The following HLA-DRB5 variants were observed in gnomAD, a reference collection of about 807,000 sequenced individuals.
The protein encoded by HLA-DRB5 is DR beta-5.
A neutral mutation model predicts 22.4 loss-of-function variants in HLA-DRB5; 11 were observed. That is an observed-to-expected ratio of 0.49 (90% CI 0.31 to 0.81). The LOEUF is 0.81. HLA-DRB5 is among the 40% of genes least tolerant of loss of function. The probability of loss-of-function intolerance (pLI) is 0.05; values close to 1 mark genes in which losing one functional copy is unlikely to be tolerated. For missense variants in HLA-DRB5, 106 were observed against 274.4 expected (o/e 0.39, Z 4.34); for synonymous variants, 57 against 106.0 (o/e 0.54, Z 2.84).
chr6:32,519,807 T>C (rs181684105), intron 2 of HLA-DRB5, among the ~76,000 whole-genome samples, 156 bp from the exon 3 acceptor site: 158 of 83,784 alleles, frequency 1.9e-3, no homozygotes, highest in East Asian at 7.0e-3. Context: ...CAGCCTGGAA[T>C]TTAGTCTTTA....
At chr6:32,520,369 G>C (rs113183253) in intron 2 of HLA-DRB5, among the ~76,000 whole-genome samples, 2,575 of 57,100 alleles carry the variant, frequency 0.045, 107 homozygotes, top group Middle Eastern at 0.098. Flanking sequence ...AGAAATGGTT[G>C]TGCCCCTGGG....
Position 32,521,475 on chromosome 6 carries a change from T to C in HLA-DRB5, c.370+430A>G, listed in dbSNP as rs1457473066. The stretch of plus-strand genomic sequence containing the variant: ...GTCTGGAACTGGCCTCCTCATATTA[T>C]CACAAATCTTCCACACCCCTCAGCT... On this transcript the variant is annotated intron_variant, in intron 2 of 5. Transcript: ENST00000374975. Among the ~76,000 whole-genome samples the C allele has an allele frequency of 4.1e-5, 5 of 123,432 alleles. 1 individual carries two copies. Among genetic ancestry groups the C allele is most frequent in the Non-Finnish European group, 8.7e-5 (5 of 57,626 alleles). 81.0% of individuals were successfully genotyped at this position (123,432 alleles called of 152,430 possible). A position where few individuals can be genotyped will look rare whatever the true frequency, so the allele number is the denominator to read the frequency against.
chr6:32,528,514 T>C lies in HLA-DRB5; in HGVS notation c.100+1611A>G. ...GAAGGGGCTCGAGCTCCAGCACTCT[T>C]TCAATTTGATGTCACACTAGAATCC... On this transcript the variant is annotated intron_variant, in intron 1 of 5. Coordinates refer to ENST00000374975, the MANE Select transcript of HLA-DRB5 (RefSeq NM_002125.4). Among the ~76,000 whole-genome samples the C allele has an allele frequency of 4.6e-5, 2 of 43,316 alleles. 1 individual carries two copies. The highest frequency in any genetic ancestry group is 9.5e-5 in the Non-Finnish European group (2 of 20,956). 28.4% of individuals were successfully genotyped at this position (43,316 alleles called of 152,430 possible).
At position 32,519,664 on chromosome 6, in the gene HLA-DRB5, A is replaced by AAC. The variant is rs1554264570; in HGVS notation, c.371-14_371-13insGT. 1,129 of 599,020 alleles carry AAC rather than the reference A, an allele frequency of 1.9e-3. 190 individuals carry two copies. The highest frequency in any genetic ancestry group is 8.7e-3 in the Middle Eastern group (18 of 2,080). 37.1% of individuals were successfully genotyped at this position (599,020 alleles called of 1,614,324 possible). ...ACCTTAGGCTCAACTAGGAGAAAGG[A>AAC]AATGTAGAGGGAATGACTCAGGAAG... On this transcript the variant is annotated splice_polypyrimidine_tract_variant and intron_variant, in intron 2 of 5. Transcript: ENST00000374975.
chr6:32,524,803 T>G (rs797009437), intron 1 of HLA-DRB5, among the ~76,000 whole-genome samples: 3,487 of 78,938 alleles, frequency 0.044, 45 homozygotes, highest in Middle Eastern at 0.069. Context: ...CCACTTAGGG[T>G]TGACAGATTT....
intron 1 of HLA-DRB5, among the ~76,000 whole-genome samples, chr6:32,524,513 C>T (rs1581601162): frequency 1.1e-5 from 1 of 92,116 alleles, no homozygotes; most frequent in Non-Finnish European, 2.3e-5. Context: ...AGTCAAGTCC[C>T]CTCAGAAAGT....
intron 2 of HLA-DRB5, 94 bp downstream of exon 2, chr6:32,521,811 T>TCTCTCA (rs879229020): frequency 0.013 from 3,318 of 249,082 alleles, 66 homozygotes; most frequent in Non-Finnish European, 0.016. Flanking sequence ...CCTCTCTCTC[T>TCTCTCA]CACACACACA....
Position 32,527,867 on chromosome 6 carries a change from G to A in HLA-DRB5, c.100+2258C>T, listed in dbSNP as rs1321486299. Among the ~76,000 whole-genome samples the A allele has an allele frequency of 1.5e-4, 6 of 39,262 alleles. 3 individuals are homozygous for A. The Admixed American group carries it at 2.0e-3, about 13-fold the overall frequency. The allele number at this position is 39,262 out of a possible 152,430, so 25.8% of individuals were successfully genotyped here. A position where few individuals can be genotyped will look rare whatever the true frequency, so the allele number is the denominator to read the frequency against. ...GCACTCCAGCCTGGGCAACAAGAAT[G>A]AAACTCCCTCTCAAAAATAAATAAG... On this transcript the variant is annotated intron_variant, in intron 1 of 5. Coordinates refer to ENST00000374975, the MANE Select transcript of HLA-DRB5 (RefSeq NM_002125.4).
chr6:32,520,919 A>G (rs1488336351), intron 2 of HLA-DRB5, among the ~76,000 whole-genome samples: 2 of 79,230 alleles, frequency 2.5e-5, no homozygotes, highest in Non-Finnish European at 4.9e-5. Flanking sequence ...TCACTGAGAA[A>G]AATACTAAGC....
At chr6:32,527,967 C>T (rs190768319) in intron 1 of HLA-DRB5, among the ~76,000 whole-genome samples, 45 of 34,750 alleles carry the variant, frequency 1.3e-3, no homozygotes, top group East Asian at 4.0e-3. Flanking sequence ...ATATGAGGCT[C>T]CCGACTTCCT....
intron 1 of HLA-DRB5, among the ~76,000 whole-genome samples, chr6:32,529,647 G>A (rs1456382725): frequency 3.2e-3 from 319 of 100,836 alleles, no homozygotes; most frequent in Middle Eastern, 6.6e-3. Context: ...GAGGCCACTG[G>A]GTCCATTCTC....
At chr6:32,529,096 G>A (rs796805939) in intron 1 of HLA-DRB5, among the ~76,000 whole-genome samples, 602 of 146,884 alleles carry the variant, frequency 4.1e-3, no homozygotes, top group South Asian at 0.015. Context: ...AAGGAAAGCT[G>A]AGGGCATGAC....
chr6:32,524,350 C>G (rs368207307), intron 1 of HLA-DRB5, among the ~76,000 whole-genome samples: 1,193 of 113,666 alleles, frequency 0.01, 2 homozygotes, highest in East Asian at 0.043. Context: ...TGCCACTTGT[C>G]CACTAATTAT....
intron 4 of HLA-DRB5, among the ~76,000 whole-genome samples, 154 bp downstream of exon 4, chr6:32,518,402 T>C (rs145238941): frequency 0.31 from 16,393 of 52,454 alleles, 7,310 homozygotes; most frequent in Middle Eastern, 0.41. Context: ...TAACCATGCA[T>C]TAATGATTTC....
chr6:32,527,940 A>G lies in HLA-DRB5; in HGVS notation c.100+2185T>C, dbSNP rs1270992591. Among the ~76,000 whole-genome samples the G allele has an allele frequency of 5.2e-5, 2 of 38,586 alleles. 1 individual carries two copies. Among genetic ancestry groups the G allele is most frequent in the African/African-American group, 1.9e-4 (2 of 10,420 alleles). 25.3% of individuals were successfully genotyped at this position (38,586 alleles called of 152,430 possible). A position where few individuals can be genotyped will look rare whatever the true frequency, so the allele number is the denominator to read the frequency against. ...TAAAATAAAATTCAAGTTTCTTACC[A>G]TGGACATCAGAGCCTGATATGAGGC... On this transcript the variant is annotated intron_variant, in intron 1 of 5. Coordinates refer to ENST00000374975, the MANE Select transcript of HLA-DRB5 (RefSeq NM_002125.4).
At position 32,522,515 on chromosome 6, in the gene HLA-DRB5, G is replaced by C. The variant is rs185320691; in HGVS notation, c.101-341C>G. On this transcript the variant is annotated intron_variant, in intron 1 of 5. Coordinates refer to ENST00000374975, the MANE Select transcript of HLA-DRB5 (RefSeq NM_002125.4). Reference sequence around the variant, plus strand: ...TCCTCCTGGGAGCCTGCACCCCAAAGACAATCTCTGCTCCTTCTCTCATCC... The same window carrying C: ...TCCTCCTGGGAGCCTGCACCCCAAACACAATCTCTGCTCCTTCTCTCATCC... Among the ~76,000 whole-genome samples the C allele has an allele frequency of 1.3e-3, 47 of 35,684 alleles. 2 individuals are homozygous for C. The highest frequency in any genetic ancestry group is 0.012 in the East Asian group (14 of 1,164). 23.4% of individuals were successfully genotyped at this position (35,684 alleles called of 152,430 possible). A position where few individuals can be genotyped will look rare whatever the true frequency, so the allele number is the denominator to read the frequency against.
chr6:32,526,416 A>AATCT (rs1330323788), intron 1 of HLA-DRB5, among the ~76,000 whole-genome samples: 451 of 34,746 alleles, frequency 0.013, 219 homozygotes, highest in Admixed American at 0.019. Flanking sequence ...TTCTCCAGAC[A>AATCT]ATCTCCCTAT....
intron 1 of HLA-DRB5, among the ~76,000 whole-genome samples, chr6:32,522,976 AAACTAGAAC>A (rs1769133657): frequency 7.4e-6 from 1 of 135,036 alleles, no homozygotes; most frequent in African/African-American, 2.8e-5. Context: ...CTTCTTCAAG[AAACTAGAAC>A]AAAGTTCACT....
intron 1 of HLA-DRB5, among the ~76,000 whole-genome samples, chr6:32,528,872 G>A (rs188055523): frequency 0.01 from 735 of 70,838 alleles, 50 homozygotes; most frequent in Middle Eastern, 0.028. Context: ...GAGTCTTGGA[G>A]GCAGAGGTTG....
Sources: gnomAD v4.1 joint callset for allele counts (sites outside exome capture counted in the v4.1 genomes callset) on GRCh38, gnomAD v4.1.1 for gene constraint, MANE v1.5 for transcripts, NCBI Gene and HGNC (gene_info 2026-07-23, HGNC 2026-07-21) for gene names.